The following MDGA2 variants were observed in gnomAD, a reference collection of about 807,000 sequenced individuals.
The protein encoded by MDGA2 is MAM domain containing glycosylphosphatidylinositol anchor 2.
A neutral mutation model predicts 117.8 loss-of-function variants in MDGA2; 40 were observed. The observed-to-expected ratio is 0.34, with a 90% CI of 0.26 to 0.44. The LOEUF is 0.44. Ranked by LOEUF, MDGA2 falls within the 20% of genes least tolerant of loss-of-function variation. MDGA2 has a pLI of 1.00. For synonymous variants in MDGA2, 452 were observed against 439.0 expected (o/e 1.03, Z -0.37); for missense variants, 1,123 against 1,250.6 (o/e 0.90, Z 1.54).
At chr14:47,429,735 C>G (rs901144067) in intron 1 of MDGA2, among the ~76,000 whole-genome samples, 2 of 151,830 alleles carry the variant, frequency 1.3e-5, no homozygotes, top group African/African-American at 4.8e-5. Context: ...TCCGAGGCAC[C>G]ATTTTCAGTA....
chr14:47,038,916 C>CT (rs1330038001), intron 7 of MDGA2, among the ~76,000 whole-genome samples: 1 of 150,622 alleles, frequency 6.6e-6, no homozygotes, highest in Non-Finnish European at 1.5e-5. Context: ...TACCACTGCA[C>CT]TCCAGCCTGG....
Position 47,399,384 on chromosome 14 carries a change from T to C in MDGA2, c.281-97834A>G, listed in dbSNP as rs751931277. ...GAAAAGCAGGTACAGAAACTGGAAA[T>C]AGGAAATATCTATTTGCATAGTTGG... On this transcript the variant is annotated intron_variant, in intron 1 of 16. Transcript: ENST00000399232. 2.6e-5 allele frequency among the ~76,000 whole-genome samples: 4 copies of C among 152,256 alleles called. 1 individual carries two copies. The highest frequency in any genetic ancestry group is 9.6e-5 in the African/African-American group (4 of 41,542).
chr14:47,385,408 A>G (rs1891734551), intron 1 of MDGA2, among the ~76,000 whole-genome samples: 2 of 152,088 alleles, frequency 1.3e-5, no homozygotes, highest in African/African-American at 4.8e-5. Flanking sequence ...TAAGAGCCAT[A>G]TTAGCTAGCA....
chr14:47,058,784 T>A (rs1377780310), intron 7 of MDGA2: 1 of 985,456 alleles, frequency 1.0e-6, no homozygotes, highest in Non-Finnish European at 1.2e-6. Context: ...ACTCATTCTT[T>A]AGGTTAGGCA....
chr14:47,440,686 CTGTAGG>C (rs1892990317), intron 1 of MDGA2, among the ~76,000 whole-genome samples: 2 of 151,868 alleles, frequency 1.3e-5, no homozygotes, highest in Non-Finnish European at 2.9e-5. Context: ...CTGTAGGCTT[CTGTAGG>C]CTTCTAGAAA....
At chr14:47,045,176 T>G (rs144698550) in intron 7 of MDGA2, among the ~76,000 whole-genome samples, 1 of 152,214 alleles carries the variant, frequency 6.6e-6, no homozygotes, top group Admixed American at 6.5e-5. Context: ...ACAAGACCAG[T>G]TGCAAATAAA....
At chr14:47,064,175 T>C (rs1889995733) in intron 6 of MDGA2, among the ~76,000 whole-genome samples, 1 of 151,972 alleles carries the variant, frequency 6.6e-6, no homozygotes, top group African/African-American at 2.4e-5. Flanking sequence ...AAAAGCAATA[T>C]AATCAAGCAT....
In MDGA2 at chr14:47,048,505, AC is replaced by A. The variant is rs367691397; in HGVS notation, c.1525+12743del. Reference sequence around the variant, plus strand: ...TTTGTCTCCTTGTAGAACCCATGTGACATTGTTAGCTCTCTTATAAATGATC... The same window carrying A: ...TTTGTCTCCTTGTAGAACCCATGTGAATTGTTAGCTCTCTTATAAATGATC... On this transcript the variant is annotated intron_variant, in intron 7 of 16. Transcript: ENST00000399232. Among the ~76,000 whole-genome samples the A allele has an allele frequency of 1.6e-3, 243 of 152,186 alleles. 1 individual carries two copies. Among genetic ancestry groups the A allele is most frequent in the African/African-American group, 5.5e-3 (228 of 41,556 alleles).
At chr14:47,590,962 T>C (rs1363734942) in intron 1 of MDGA2, among the ~76,000 whole-genome samples, 1 of 152,014 alleles carries the variant, frequency 6.6e-6, no homozygotes, top group East Asian at 1.9e-4. Context: ...ATTTGATGAC[T>C]AATCAACAAA....
At chr14:46,902,153 T>C (rs1595032999) in intron 10 of MDGA2, among the ~76,000 whole-genome samples, 1 of 152,352 alleles carries the variant, frequency 6.6e-6, no homozygotes, top group Middle Eastern at 3.4e-3. Context: ...AATGTCTTTA[T>C]ATAAATACAT....
At chr14:46,850,594 A>C (rs927935281) in intron 15 of MDGA2, among the ~76,000 whole-genome samples, 2 of 151,920 alleles carry the variant, frequency 1.3e-5, no homozygotes, top group Non-Finnish European at 2.9e-5. Flanking sequence ...ATTAGCATTA[A>C]TAATGTTATC....
intron 1 of MDGA2, among the ~76,000 whole-genome samples, chr14:47,604,039 G>A (rs778763908): frequency 2.6e-5 from 4 of 152,090 alleles, no homozygotes; most frequent in South Asian, 2.1e-4. Context: ...CACAGCCTGC[G>A]GAACCATGAG....
chr14:46,929,492 G>C (rs1221028724), intron 9 of MDGA2, among the ~76,000 whole-genome samples: 1 of 148,558 alleles, frequency 6.7e-6, no homozygotes. Context: ...TCAAGGTGAA[G>C]GTTATGAAAG....
At chr14:47,174,998 C>T (rs1333302907) in intron 3 of MDGA2, among the ~76,000 whole-genome samples, 17 of 152,012 alleles carry the variant, frequency 1.1e-4, no homozygotes, top group Non-Finnish European at 2.9e-5. Flanking sequence ...ATACAAACTA[C>T]CATCAGAGAA....
intron 7 of MDGA2, among the ~76,000 whole-genome samples, chr14:47,053,099 T>C (rs1889514403): frequency 6.6e-6 from 1 of 151,980 alleles, no homozygotes; most frequent in African/African-American, 2.4e-5. Context: ...GAAGATGCTC[T>C]AAATACAAAA....
At chr14:46,907,441 T>G (rs1240627654) in intron 10 of MDGA2, among the ~76,000 whole-genome samples, 1 of 152,230 alleles carries the variant, frequency 6.6e-6, no homozygotes, top group Non-Finnish European at 1.5e-5. Flanking sequence ...TTCTAATGAT[T>G]AGATTCACAT....
chr14:47,248,938 C>T (rs59077220), intron 2 of MDGA2, among the ~76,000 whole-genome samples: 4,399 of 151,020 alleles, frequency 0.029, 222 homozygotes, highest in African/African-American at 0.1. Context: ...TCCTTCCCTC[C>T]CTTCCTCCCT....
chr14:47,086,184 A>G (rs931358188), intron 6 of MDGA2, among the ~76,000 whole-genome samples: 2 of 150,020 alleles, frequency 1.3e-5, no homozygotes, highest in Admixed American at 6.7e-5. Context: ...GCTAAGATGG[A>G]TTTGAATTAC....
chr14:47,571,557 T>C (rs1007043286), intron 1 of MDGA2, among the ~76,000 whole-genome samples: 3 of 152,228 alleles, frequency 2.0e-5, no homozygotes, highest in Admixed American at 6.5e-5. Context: ...ATATACACCA[T>C]GGAATACTAT....
Sources: allele counts gnomAD v4.1 joint callset (sites outside exome capture counted in the v4.1 genomes callset), GRCh38; gene constraint gnomAD v4.1.1; transcripts MANE v1.5; gene names NCBI Gene and HGNC (gene_info 2026-07-23, HGNC 2026-07-21).